NXPH1: variants seen among roughly 807,000 people sequenced by gnomAD.
NXPH1 encodes neurexophilin-1.
In NXPH1, 5 loss-of-function variants were observed where a neutral mutation model predicts 23.7. The ratio of observed to expected loss-of-function variants is 0.21; its 90% CI spans 0.11 to 0.44. NXPH1 has a LOEUF of 0.44. Ranked by LOEUF, NXPH1 falls within the 20% of genes least tolerant of loss-of-function variation. NXPH1 has a pLI of 0.99. For missense variants in NXPH1, 324 were observed against 321.6 expected, an observed-to-expected ratio of 1.01 and a Z score of -0.06; for synonymous variants, 144 against 122.2, an observed-to-expected ratio of 1.18 and a Z score of -1.18.
chr7:8,642,039 C>G (rs1213053362), intron 2 of NXPH1, among the ~76,000 whole-genome samples: 1 of 152,158 alleles, frequency 6.6e-6, no homozygotes, highest in Admixed American at 6.5e-5. Flanking sequence ...GAAGTGTCAT[C>G]CTTGGGCTTT....
At chr7:8,444,265 GC>G (rs1399792067) in intron 2 of NXPH1, among the ~76,000 whole-genome samples, 1 of 152,224 alleles carries the variant, frequency 6.6e-6, no homozygotes, top group Non-Finnish European at 1.5e-5. Flanking sequence ...CGGACATAAG[GC>G]AAGCCCTCGA....
chr7:8,567,810 T>C (rs1050802924), intron 2 of NXPH1, among the ~76,000 whole-genome samples: 4 of 151,862 alleles, frequency 2.6e-5, no homozygotes, highest in African/African-American at 9.7e-5. Flanking sequence ...ACATATGGTC[T>C]TTCAGTGTTG....
chr7:8,550,051 T>G (rs1307341001), intron 2 of NXPH1, among the ~76,000 whole-genome samples: 5 of 151,620 alleles, frequency 3.3e-5, no homozygotes, highest in Non-Finnish European at 4.4e-5. Flanking sequence ...ATATATCAAA[T>G]GCAACCCAAT....
intron 2 of NXPH1, among the ~76,000 whole-genome samples, chr7:8,465,733 G>A (rs1257946022): frequency 6.6e-6 from 1 of 152,172 alleles, no homozygotes; most frequent in African/African-American, 2.4e-5. Context: ...ATATTTAAAA[G>A]TCAAAATGCC....
chr7:8,439,530 A>G (rs1277132885), intron 2 of NXPH1, among the ~76,000 whole-genome samples: 2 of 152,254 alleles, frequency 1.3e-5, no homozygotes, highest in Non-Finnish European at 2.9e-5. Context: ...CCACAGCTCT[A>G]TTCTAATGAG....
chr7:8,635,491 G>A (rs757373363), intron 2 of NXPH1, among the ~76,000 whole-genome samples: 5 of 151,946 alleles, frequency 3.3e-5, no homozygotes, highest in Non-Finnish European at 7.4e-5. Flanking sequence ...TTGGTTTCTG[G>A]TATTTCCTCC....
At chr7:8,727,744 T>C (rs1243025770) in intron 2 of NXPH1, among the ~76,000 whole-genome samples, 4 of 152,150 alleles carry the variant, frequency 2.6e-5, no homozygotes, top group Admixed American at 2.6e-4. Flanking sequence ...ACTGTAGCCT[T>C]GTAGTATAGT....
At chr7:8,727,469 A>C (rs1020713057) in intron 2 of NXPH1, among the ~76,000 whole-genome samples, 37 of 147,144 alleles carry the variant, frequency 2.5e-4, no homozygotes, top group African/African-American at 4.4e-4. Flanking sequence ...TTATGGTTTT[A>C]GGTCTAACGT....
chr7:8,668,868 G>A (rs1236344018), intron 2 of NXPH1, among the ~76,000 whole-genome samples: 2 of 151,962 alleles, frequency 1.3e-5, no homozygotes, highest in Non-Finnish European at 2.9e-5. Context: ...TGGCACTCAG[G>A]GGTCTACTGT....
intron 2 of NXPH1, among the ~76,000 whole-genome samples, chr7:8,536,462 G>C (rs926193869): frequency 6.6e-6 from 1 of 152,036 alleles, no homozygotes; most frequent in Non-Finnish European, 1.5e-5. Flanking sequence ...GGTAACTGAA[G>C]TCACGAATGG....
At chr7:8,666,835 C>T (rs1820776633) in intron 2 of NXPH1, among the ~76,000 whole-genome samples, 1 of 151,958 alleles carries the variant, frequency 6.6e-6, no homozygotes, top group South Asian at 2.1e-4. Context: ...ATAATAGTCT[C>T]TTATGATCTT....
At chr7:8,527,207 T>G (rs1817876560) in intron 2 of NXPH1, among the ~76,000 whole-genome samples, 1 of 152,304 alleles carries the variant, frequency 6.6e-6, no homozygotes. Context: ...TCCTATTATG[T>G]GGAGATTCTG....
At chr7:8,587,631 C>A (rs570712793) in intron 2 of NXPH1, among the ~76,000 whole-genome samples, 1 of 152,088 alleles carries the variant, frequency 6.6e-6, no homozygotes, top group Non-Finnish European at 1.5e-5. Flanking sequence ...GATATCCCTC[C>A]CCTAGCCCCC....
chr7:8,741,983 A>G (rs1448537755), intron 2 of NXPH1, among the ~76,000 whole-genome samples: 1 of 152,110 alleles, frequency 6.6e-6, no homozygotes, highest in East Asian at 1.9e-4. Context: ...ATTGTATGAA[A>G]AAGAGTCTAA....
intron 2 of NXPH1, among the ~76,000 whole-genome samples, chr7:8,554,631 A>G (rs927833487): frequency 6.6e-6 from 1 of 151,708 alleles, no homozygotes; most frequent in African/African-American, 2.4e-5. Context: ...ATTTGGGTAG[A>G]AAAGAGGCTC....
chr7:8,680,772 G>C lies in NXPH1; in HGVS notation c.55-70236G>C, dbSNP rs558704665. Among the ~76,000 whole-genome samples the C allele has an allele frequency of 7.9e-5, 12 of 152,340 alleles. No individual in the cohort carries two copies. The South Asian group carries it at 1.2e-3, about 16-fold the overall frequency. ...ATAAAGTTAACACCTGGAGCTGCCA[G>C]TGCTAATGAGGTAGCTCCCATCAAG... is the stretch of plus-strand genomic sequence containing the variant. On this transcript the variant is annotated intron_variant, in intron 2 of 2. Coordinates refer to ENST00000405863, the MANE Select transcript of NXPH1 (RefSeq NM_152745.3).
intron 2 of NXPH1, among the ~76,000 whole-genome samples, chr7:8,637,321 C>T (rs976126532): frequency 6.6e-6 from 1 of 151,840 alleles, no homozygotes; most frequent in East Asian, 1.9e-4. Context: ...CTCCTGGGCA[C>T]AAGTGATTCT....
chr7:8,725,138 A>G (rs528033510), intron 2 of NXPH1, among the ~76,000 whole-genome samples: 21 of 152,276 alleles, frequency 1.4e-4, no homozygotes, highest in African/African-American at 4.6e-4. Context: ...TTCTTATAGA[A>G]ATAGTGGTGT....
chr7:8,463,741 C>G (rs1434705406), intron 2 of NXPH1, among the ~76,000 whole-genome samples: 2 of 152,142 alleles, frequency 1.3e-5, no homozygotes, highest in East Asian at 1.9e-4. Context: ...ATGGACTGTT[C>G]ATTCCCTTTT....
Sources: allele counts gnomAD v4.1 joint callset (sites outside exome capture counted in the v4.1 genomes callset), GRCh38; gene constraint gnomAD v4.1.1; transcripts MANE v1.5; gene names NCBI Gene and HGNC (gene_info 2026-07-23, HGNC 2026-07-21).